The following CSGALNACT1 variants were observed in gnomAD, a reference collection of about 807,000 sequenced individuals.
The protein encoded by CSGALNACT1 is beta4GalNAcT-1.
Under a neutral mutation model 51.0 loss-of-function variants are expected in CSGALNACT1, and 52 were observed. The observed-to-expected ratio is 1.02, with a 90% CI of 0.82 to 1.29. The LOEUF (loss-of-function observed/expected upper bound fraction) is 1.29. Among genes scored for constraint, CSGALNACT1 ranks in the 50% most tolerant of loss-of-function variants. The pLI is 0.00. For missense variants in CSGALNACT1, 935 were observed against 679.2 expected (o/e 1.38, Z -4.19); for synonymous variants, 341 against 254.4 (o/e 1.34, Z -3.24).
chr8:19,516,810 G>C (rs192307591), intron 3 of CSGALNACT1, among the ~76,000 whole-genome samples: 7 of 152,214 alleles, frequency 4.6e-5, no homozygotes, highest in Admixed American at 2.0e-4. Context: ...CCCCCAGGAG[G>C]GGGTGAGATG....
intron 3 of CSGALNACT1, among the ~76,000 whole-genome samples, chr8:19,577,740 C>T (rs1297773688): frequency 3.3e-5 from 5 of 152,036 alleles, no homozygotes; most frequent in Non-Finnish European, 5.9e-5. Flanking sequence ...GGACTTGCTG[C>T]TTTCCAGCCG....
chr8:19,560,904 G>A (rs962786333), intron 3 of CSGALNACT1, among the ~76,000 whole-genome samples: 1 of 152,152 alleles, frequency 6.6e-6, no homozygotes. Context: ...ACCCTAAGGT[G>A]GATAAACACA....
intron 1 of CSGALNACT1, among the ~76,000 whole-genome samples, chr8:19,676,393 G>A (rs2154200893): frequency 6.6e-6 from 1 of 152,278 alleles, no homozygotes; most frequent in Admixed American, 6.5e-5. Context: ...AAAGAACCCA[G>A]TGGAAATTAT....
chr8:19,456,385 T>C (rs75957430), intron 5 of CSGALNACT1, among the ~76,000 whole-genome samples: 17,426 of 152,232 alleles, frequency 0.11, 1,242 homozygotes, highest in Middle Eastern at 0.2. Context: ...CAGTAAGACA[T>C]AGGCAGCTTC....
chr8:19,673,659 T>C (rs2059960000), intron 1 of CSGALNACT1, among the ~76,000 whole-genome samples: 1 of 152,174 alleles, frequency 6.6e-6, no homozygotes, highest in African/African-American at 2.4e-5. Context: ...AGAAATGAAT[T>C]TGTCTGCTTC....
At position 19,667,022 on chromosome 8, in the gene CSGALNACT1, AGGAAGGAAGGAAGG is replaced by A. The variant is rs1564386551; in HGVS notation, c.-544+15437_-544+15450del. 7.8e-4 allele frequency among the ~76,000 whole-genome samples: 28 copies of A among 36,042 alleles called. 3 individuals are homozygous for A. Among genetic ancestry groups the A allele is most frequent in the African/African-American group, 5.0e-3 (26 of 5,172 alleles). 23.6% of individuals were successfully genotyped at this position (36,042 alleles called of 152,430 possible). A position where few individuals can be genotyped will look rare whatever the true frequency, so the allele number is the denominator to read the frequency against. On this transcript the variant is annotated intron_variant, in intron 1 of 9. Transcript: ENST00000332246. Reference sequence around the variant, plus strand: ...AAGAAAGAAAGAAAGAAAGAAAGGAAGGAAGGAAGGAAGGAAGGAAGAAAGAAAGAAAGAAAGAA... The same window carrying A: ...AAGAAAGAAAGAAAGAAAGAAAGGAAAAGGAAGAAAGAAAGAAAGAAAGAA...
chr8:19,739,309 T>C (rs2064169429), intron 1 of CSGALNACT1, among the ~76,000 whole-genome samples: 1 of 151,798 alleles, frequency 6.6e-6, no homozygotes, highest in Admixed American at 6.6e-5. Flanking sequence ...CTAAAGAAGA[T>C]CAAACAAACA....
At chr8:19,510,530 G>C (rs1335053864) in intron 3 of CSGALNACT1, among the ~76,000 whole-genome samples, 1 of 152,126 alleles carries the variant, frequency 6.6e-6, no homozygotes, top group East Asian at 1.9e-4. Flanking sequence ...GAGATGAAAA[G>C]GTGAACCAAG....
chr8:19,600,832 A>G (rs1290179819), intron 2 of CSGALNACT1, among the ~76,000 whole-genome samples: 1 of 151,608 alleles, frequency 6.6e-6, no homozygotes, highest in African/African-American at 2.4e-5. Context: ...GTTTTTGGAA[A>G]AAAAAAAAAA....
chr8:19,693,174 G>A (rs1324559737), intron 1 of CSGALNACT1, among the ~76,000 whole-genome samples: 3 of 152,128 alleles, frequency 2.0e-5, no homozygotes, highest in Non-Finnish European at 4.4e-5. Context: ...GGGTTTAAGT[G>A]GAAGACTGGA....
At chr8:19,679,990 C>T (rs1156768053) in intron 1 of CSGALNACT1, among the ~76,000 whole-genome samples, 2 of 152,144 alleles carry the variant, frequency 1.3e-5, no homozygotes, top group African/African-American at 4.8e-5. Context: ...AGCACCCTTC[C>T]AGTAGCAAAA....
rs1329108011 is a variant in CSGALNACT1, at chr8:19,671,366, C to T, written c.-544+11107G>A. Among the ~76,000 whole-genome samples the T allele has an allele frequency of 2.0e-5, 3 of 152,202 alleles. 1 individual carries two copies. Among genetic ancestry groups the T allele is most frequent in the Admixed American group, 1.3e-4 (2 of 15,284 alleles). The stretch of plus-strand genomic sequence containing the variant: ...TAGTTAGGTGTACACGACAAATTCA[C>T]AGGCAACAATGTTGTTTTCAAGCTC... On this transcript the variant is annotated intron_variant, in intron 1 of 9. Transcript: ENST00000332246.
At chr8:19,550,369 C>T (rs1456899477) in intron 3 of CSGALNACT1, among the ~76,000 whole-genome samples, 1 of 152,174 alleles carries the variant, frequency 6.6e-6, no homozygotes, top group African/African-American at 2.4e-5. Context: ...CATCTCTGTG[C>T]TTTTATTCTA....
At chr8:19,694,901 C>T (rs189382175) in intron 1 of CSGALNACT1, among the ~76,000 whole-genome samples, 1 of 152,178 alleles carries the variant, frequency 6.6e-6, no homozygotes, top group Non-Finnish European at 1.5e-5. Context: ...TTCCATGCTG[C>T]CTCTGCAGCA....
intron 1 of CSGALNACT1, among the ~76,000 whole-genome samples, chr8:19,701,730 C>G (rs1193846999): frequency 6.6e-6 from 1 of 152,178 alleles, no homozygotes; most frequent in Non-Finnish European, 1.5e-5. Flanking sequence ...TCCTACATGT[C>G]ACGTACTGAA....
rs80288253 is a variant in CSGALNACT1 at position 19,522,750 on chromosome 8, T to A, written c.-296-16620A>T. ...AGAAATCTCAAAACCTCCTAAGTTA[T>A]TTTTAAATTGCAATTTTCCAGTAGC... On this transcript the variant is annotated intron_variant, in intron 3 of 9. Transcript: ENST00000454498. 7.9e-3 allele frequency among the ~76,000 whole-genome samples: 1,196 copies of A among 152,338 alleles called. 14 individuals carry two copies. The highest frequency in any genetic ancestry group is 0.027 in the African/African-American group (1,134 of 41,584).
chr8:19,411,043 T>C (rs1050211247), intron 8 of CSGALNACT1, among the ~76,000 whole-genome samples: 1 of 152,218 alleles, frequency 6.6e-6, no homozygotes, highest in Non-Finnish European at 1.5e-5. Flanking sequence ...CTTATCCTTC[T>C]GCCCTATATA....
At chr8:19,552,485 C>A (rs2088406097) in intron 3 of CSGALNACT1, among the ~76,000 whole-genome samples, 2 of 152,106 alleles carry the variant, frequency 1.3e-5, no homozygotes, top group Admixed American at 1.3e-4. Flanking sequence ...CACTCCGAGA[C>A]CAAGTTTCTT....
At chr8:19,433,776 T>C (rs183057585) in intron 6 of CSGALNACT1, among the ~76,000 whole-genome samples, 8 of 152,370 alleles carry the variant, frequency 5.3e-5, no homozygotes, top group African/African-American at 1.7e-4. Context: ...TCTTTAAACA[T>C]TACGAGATTT....
Sources: gnomAD v4.1 joint callset for allele counts (sites outside exome capture counted in the v4.1 genomes callset) on GRCh38, gnomAD v4.1.1 for gene constraint, MANE v1.5 for transcripts, NCBI Gene and HGNC (gene_info 2026-07-23, HGNC 2026-07-21) for gene names.